The following DLEU7 variants were observed in gnomAD, a reference collection of about 807,000 sequenced individuals.
DLEU7 encodes leukemia-associated protein 7.
DLEU7 carries 17 observed loss-of-function variants against 16.0 expected under a neutral mutation model. The ratio of observed to expected loss-of-function variants is 1.06; its 90% CI spans 0.73 to 1.59. The LOEUF is 1.59. Among genes scored for constraint, DLEU7 ranks in the 40% most tolerant of loss-of-function variants. The pLI is 0.00. For synonymous variants in DLEU7, 113 were observed against 139.8 expected (o/e 0.81, Z 1.35); for missense variants, 308 against 314.9 (o/e 0.98, Z 0.17).
At chr13:50,782,203 G>A (rs1363774332) in intron 1 of DLEU7, among the ~76,000 whole-genome samples, 1 of 152,134 alleles carries the variant, frequency 6.6e-6, no homozygotes, top group Non-Finnish European at 1.5e-5. Flanking sequence ...AGTCCCTTGA[G>A]AATAAAAATC....
At chr13:50,715,061 G>T (rs967145074) in intron 1 of DLEU7, among the ~76,000 whole-genome samples, 3 of 152,108 alleles carry the variant, frequency 2.0e-5, no homozygotes, top group Admixed American at 1.3e-4. Flanking sequence ...ATGGACTGAG[G>T]TCCCTGCTTC....
intron 1 of DLEU7, among the ~76,000 whole-genome samples, chr13:50,752,052 CTTTTT>C (rs200928092): frequency 0.049 from 6,702 of 135,748 alleles, 475 homozygotes; most frequent in African/African-American, 0.16. Flanking sequence ...CTCTTTCAGT[CTTTTT>C]TTTTTTTTTT....
intron 1 of DLEU7, among the ~76,000 whole-genome samples, chr13:50,814,824 C>T (rs9535495): frequency 0.49 from 73,658 of 149,078 alleles, 18,579 homozygotes; most frequent in Middle Eastern, 0.57. Context: ...TGTACTGTAC[C>T]AATCCAGTTA....
At chr13:50,796,423 C>T (rs1448629094) in intron 1 of DLEU7, among the ~76,000 whole-genome samples, 1 of 152,044 alleles carries the variant, frequency 6.6e-6, no homozygotes, top group East Asian at 1.9e-4. Context: ...ATCTGCTAGG[C>T]CAAGGGAGGA....
intron 1 of DLEU7, among the ~76,000 whole-genome samples, chr13:50,815,180 T>C (rs972305847): frequency 2.0e-5 from 3 of 152,120 alleles, no homozygotes; most frequent in African/African-American, 7.2e-5. Flanking sequence ...TTAAAACCTG[T>C]AGCTAAAAGA....
At chr13:50,822,051 CAT>C (rs1876922308), downstream of DLEU7, among the ~76,000 whole-genome samples, 1 of 151,960 alleles carries the variant, frequency 6.6e-6, no homozygotes, top group Non-Finnish European at 1.5e-5. Flanking sequence ...CATGTACACA[CAT>C]GAGCGCACAC....
intron 1 of DLEU7, among the ~76,000 whole-genome samples, chr13:50,832,244 T>G (rs1052100567): frequency 6.6e-6 from 1 of 152,188 alleles, no homozygotes; most frequent in Non-Finnish European, 1.5e-5. Flanking sequence ...TTTATCAATT[T>G]TCTTCTAGAA....
intron 1 of DLEU7, among the ~76,000 whole-genome samples, chr13:50,754,193 G>A (rs1171506590): frequency 6.6e-6 from 1 of 152,128 alleles, no homozygotes; most frequent in African/African-American, 2.4e-5. Context: ...AAGTCCATTT[G>A]TTCCAAGGTA....
chr13:50,816,963 C>T (rs1876754367), intron 1 of DLEU7, among the ~76,000 whole-genome samples: 1 of 152,134 alleles, frequency 6.6e-6, no homozygotes, highest in Non-Finnish European at 1.5e-5. Flanking sequence ...AGCTGGAATA[C>T]AGGTGCAGGG....
At chr13:50,786,126 CTT>C (rs1448321199) in intron 1 of DLEU7, among the ~76,000 whole-genome samples, 2 of 152,148 alleles carry the variant, frequency 1.3e-5, no homozygotes, top group African/African-American at 4.8e-5. Flanking sequence ...ACTAATAAGA[CTT>C]TGATGGGTTC....
At chr13:50,801,080 A>T (rs903868745) in intron 1 of DLEU7, among the ~76,000 whole-genome samples, 1 of 152,146 alleles carries the variant, frequency 6.6e-6, no homozygotes, top group Non-Finnish European at 1.5e-5. Flanking sequence ...CTACAGAAAA[A>T]GTTGTTGTCT....
intron 1 of DLEU7, among the ~76,000 whole-genome samples, chr13:50,789,945 CTTTT>C (rs750516352): frequency 2.8e-5 from 2 of 70,296 alleles, no homozygotes; most frequent in South Asian, 4.4e-4. Flanking sequence ...TTCTTTCTTT[CTTTT>C]TTTTTTTTTT....
In DLEU7 at chr13:50,726,378, C is replaced by T. The variant is rs906572890; in HGVS notation, c.460-13138G>A. Among the ~76,000 whole-genome samples the T allele has an allele frequency of 6.6e-6, 1 of 152,180 alleles. No homozygotes were observed. Among genetic ancestry groups the T allele is most frequent in the South Asian group, 2.1e-4 (1 of 4,830 alleles). ...TTCAACAGCTTCTACCCAAATCCCC[C>T]TGGGAACCAGCCTGCAACAGCCACC... On this transcript the variant is annotated intron_variant, in intron 1 of 1. Transcript: ENST00000400393. This position sits in a 1 kb window ranked among gnomAD's most constrained non-coding sequence, Gnocchi z 4.0.
At chr13:50,747,540 A>T (rs1005525018) in intron 1 of DLEU7, among the ~76,000 whole-genome samples, 1 of 152,064 alleles carries the variant, frequency 6.6e-6, no homozygotes, top group African/African-American at 2.4e-5. Flanking sequence ...ATAGATGGAG[A>T]AGCCCAAAAT....
At chr13:50,815,122 C>T (rs1157623640) in intron 1 of DLEU7, among the ~76,000 whole-genome samples, 2 of 152,008 alleles carry the variant, frequency 1.3e-5, no homozygotes, top group Non-Finnish European at 2.9e-5. Context: ...TAAGAGTCTC[C>T]CTCTTTTTCC....
chr13:50,718,119 A>T lies in DLEU7; in HGVS notation c.460-4879T>A, dbSNP rs189470447. Reference sequence around the variant, plus strand: ...CTGCAAGTGATTTCTATGAATATTGAAATTTAAGAAGCACTAATTTAAATG... The same window carrying T: ...CTGCAAGTGATTTCTATGAATATTGTAATTTAAGAAGCACTAATTTAAATG... On this transcript the variant is annotated intron_variant, in intron 1 of 1. Transcript: ENST00000400393. 5.9e-3 allele frequency among the ~76,000 whole-genome samples: 895 copies of T among 152,306 alleles called. 7 individuals carry two copies. The highest frequency in any genetic ancestry group is 0.018 in the African/African-American group (758 of 41,568).
chr13:50,766,131 A>G (rs949654926), intron 1 of DLEU7, among the ~76,000 whole-genome samples: 1 of 152,200 alleles, frequency 6.6e-6, no homozygotes, highest in African/African-American at 2.4e-5. Context: ...AGCATAAAAC[A>G]TGACTACTGG....
intron 1 of DLEU7, among the ~76,000 whole-genome samples, chr13:50,727,421 G>A (rs1873795062): frequency 6.6e-6 from 1 of 152,164 alleles, no homozygotes; most frequent in South Asian, 2.1e-4. Context: ...AATTTGTTCA[G>A]TGAATGTGAA....
chr13:50,727,486 T>C (rs1398825854), intron 1 of DLEU7, among the ~76,000 whole-genome samples: 2 of 152,130 alleles, frequency 1.3e-5, no homozygotes, highest in East Asian at 3.9e-4. Flanking sequence ...AGTATTTTCT[T>C]TGCCACCGAG....
Sources: allele counts gnomAD v4.1 joint callset (sites outside exome capture counted in the v4.1 genomes callset), GRCh38; gene constraint gnomAD v4.1.1; non-coding constraint Gnocchi (gnomAD v3.1); transcripts MANE v1.5; gene names NCBI Gene and HGNC (gene_info 2026-07-23, HGNC 2026-07-21).